The following GPN3 variants were observed in gnomAD, a reference collection of about 807,000 sequenced individuals.
The protein encoded by GPN3 is GPN-loop GTPase 3, also known as ATP-binding domain 1 family member C.
GPN3 carries 31 observed loss-of-function variants against 38.7 expected under a neutral mutation model. The ratio of observed to expected loss-of-function variants is 0.80; its 90% CI spans 0.60 to 1.08. GPN3 has a LOEUF of 1.08. Among genes scored for constraint, GPN3 ranks in the 50% least tolerant of loss-of-function variants. The probability of loss-of-function intolerance (pLI) is 0.00; values close to 1 mark genes in which losing one functional copy is unlikely to be tolerated. For synonymous variants in GPN3, 116 were observed against 120.2 expected, an observed-to-expected ratio of 0.96 and a Z score of 0.23; for missense variants, 301 against 354.4, an observed-to-expected ratio of 0.85 and a Z score of 1.21.
chr12:110,468,182 C>T lies in GPN3; in HGVS notation c.22G>A (p.Val8Ile), dbSNP rs148897377. 7.4e-6 allele frequency: 12 copies of T among 1,611,864 alleles called. No homozygotes were observed. The African/African-American group carries it at 1.5e-4, about 20-fold the overall frequency. The stretch of plus-strand genomic sequence containing the variant: ...TTCCCGCTGCCCGCGGGGCCCATGA[C>T]CAGCTGCGCATACCGAGGCATGTTG... The part of the protein sequence containing the change: MPRYAQL[V>I]MGPAGSGKST... Residue 8 changes from valine to isoleucine, a missense_variant, in exon 1 of 8, where the codon GTC becomes ATC. Val to Ile is a conservative substitution (Grantham distance 29). Transcript: ENST00000228827.
chr12:110,464,860 T>G (rs2062616029), intron 2 of GPN3: 1 of 452,490 alleles, frequency 2.2e-6, no homozygotes. Context: ...CCCAAAGTGC[T>G]GGAATTACAG....
At chr12:110,461,287 T>TA in intron 2 of GPN3, 1 of 1,292,204 alleles carries the variant, frequency 7.7e-7, no homozygotes, top group Middle Eastern at 2.2e-4. Flanking sequence ...ATTCACCAAA[T>TA]AAGCCATATA....
At position 110,462,761 on chromosome 12, in the gene GPN3, A is replaced by AT. The variant is rs780637158; in HGVS notation, c.157+2344dup. Among the ~76,000 whole-genome samples the AT allele has an allele frequency of 3.5e-3, 451 of 129,534 alleles. 2 individuals carry two copies. Among genetic ancestry groups the AT allele is most frequent in the Middle Eastern group, 0.018 (4 of 224 alleles). The allele number at this position is 129,534 out of a possible 152,430, so 85.0% of individuals were successfully genotyped here. On this transcript the variant is annotated intron_variant, in intron 2 of 7. Coordinates refer to ENST00000228827, the MANE Select transcript of GPN3 (RefSeq NM_016301.4). ...TGTCACCACACCCAGCTAATTTTGT[A>AT]TTTTTTTTTTTTTGAGACGGAGTCT...
chr12:110,457,259 C>A (rs1360153744), intron 4 of GPN3, among the ~76,000 whole-genome samples: 2 of 151,346 alleles, frequency 1.3e-5, no homozygotes, highest in African/African-American at 4.9e-5. Context: ...TTGAGACCAG[C>A]CTGGCCAACA....
At chr12:110,457,838 G>A (rs900281905) in intron 3 of GPN3, among the ~76,000 whole-genome samples, 2 of 152,022 alleles carry the variant, frequency 1.3e-5, no homozygotes, top group African/African-American at 4.8e-5. Flanking sequence ...TAGAAAATGA[G>A]GTTCTCTGGT....
At chr12:110,460,941 G>C in intron 2 of GPN3, 1 of 911,980 alleles carries the variant, frequency 1.1e-6, no homozygotes, top group Non-Finnish European at 1.8e-6. Context: ...TCAAGCCCAG[G>C]CGACAGAGCA....
At position 110,458,057 on chromosome 12, in the gene GPN3, A is replaced by G. The variant is rs559794105; in HGVS notation, c.326-423T>C. Among the ~76,000 whole-genome samples the G allele has an allele frequency of 6.6e-6, 1 of 152,264 alleles. No individual in the cohort carries two copies. Among genetic ancestry groups the G allele is most frequent in the South Asian group, 2.1e-4 (1 of 4,820 alleles). On this transcript the variant is annotated intron_variant, in intron 3 of 7. Transcript: ENST00000228827. This position sits in a 1 kb window ranked among gnomAD's most constrained non-coding sequence, Gnocchi z 4.4. ...CTTAAACCCGGGAGGAGGAGGCTGC[A>G]GTGAGCCAAGATCACGCCACTGCAC...
At chr12:110,455,968 G>A (rs2062546998) in intron 4 of GPN3, 38 bp from the exon 5 acceptor site, 2 of 1,021,172 alleles carry the variant, frequency 2.0e-6, no homozygotes, top group South Asian at 2.5e-5. Context: ...TGAACTGACT[G>A]TTGCCAACAG....
rs1259613525 is a variant in GPN3, at chr12:110,457,606, A to C, written c.354T>G (p.Pro118=). 1.5e-5 allele frequency: 24 copies of C among 1,604,932 alleles called. No homozygotes were observed. The highest frequency in any genetic ancestry group is 1.9e-5 in the Non-Finnish European group (22 of 1,173,762). Residue 118 remains proline, a synonymous_variant, in exon 4 of 8, where the codon CCT becomes CCG. Coordinates refer to ENST00000228827, the MANE Select transcript of GPN3 (RefSeq NM_016301.4). The part of the protein sequence containing the change: ...PGQIELYTHL[P]VMKQLVQQLE... ...GCTGCTGGACCAGCTGTTTCATCAC[A>C]GGCAGGTGAGTGTACAACTCAATCT...
Position 110,467,906 on chromosome 12 carries a change from GGTT to G in GPN3, c.48+247_48+249del, listed in dbSNP as rs1000350321. ...GAGAAAAATGAGATCTCTCTCACAGGGTTGTTGTAGAAATAAGCGAGGCGTTTC... is the reference window on the plus strand; with the variant it reads ...GAGAAAAATGAGATCTCTCTCACAGGGTTGTAGAAATAAGCGAGGCGTTTC... On this transcript the variant is annotated intron_variant, in intron 1 of 7. Transcript: ENST00000228827. Among the ~76,000 whole-genome samples, 8 of 152,196 alleles carry G rather than the reference GGTT, an allele frequency of 5.3e-5. No individual in the cohort carries two copies. The South Asian group carries it at 6.2e-4, about 12-fold the overall frequency.
At chr12:110,463,349 G>A (rs955779033) in intron 2 of GPN3, among the ~76,000 whole-genome samples, 6 of 151,900 alleles carry the variant, frequency 3.9e-5, no homozygotes, top group African/African-American at 1.2e-4. Flanking sequence ...CCAGCTACTT[G>A]GGAGGTAGGA....
At chr12:110,468,425 G>T (rs536063572), upstream of GPN3, 1 of 1,534,656 alleles carries the variant, frequency 6.5e-7, no homozygotes, top group Non-Finnish European at 8.7e-7. Flanking sequence ...GTGCGCAAAA[G>T]TAGTTGATGG....
chr12:110,459,936 A>T, intron 2 of GPN3, 74 bp from the exon 3 acceptor site: 1 of 1,225,490 alleles, frequency 8.2e-7, no homozygotes, highest in Non-Finnish European at 1.2e-6. Context: ...AATAGAACAT[A>T]AAAGTTAATA....
chr12:110,457,921 A>C (rs2062561737), intron 3 of GPN3, among the ~76,000 whole-genome samples: 1 of 151,848 alleles, frequency 6.6e-6, no homozygotes, highest in Admixed American at 6.6e-5. Context: ...TGAGGCCAGG[A>C]GTTCAAGACC....
chr12:110,457,812 A>C (rs948010534), intron 3 of GPN3, among the ~76,000 whole-genome samples, 178 bp from the exon 4 acceptor site: 12 of 152,110 alleles, frequency 7.9e-5, no homozygotes, highest in African/African-American at 2.9e-4. Flanking sequence ...GGAATCCCTA[A>C]CTATTAAGTT....
intron 5 of GPN3, 61 bp from the exon 6 acceptor site, chr12:110,455,743 C>T (rs2062545182): frequency 2.9e-6 from 3 of 1,038,574 alleles, no homozygotes; most frequent in Non-Finnish European, 4.6e-6. Context: ...AGCCAAACTT[C>T]CCATCTAAAT....
At chr12:110,460,362 C>G (rs1052169786) in intron 2 of GPN3, among the ~76,000 whole-genome samples, 1 of 152,166 alleles carries the variant, frequency 6.6e-6, no homozygotes, top group Non-Finnish European at 1.5e-5. Context: ...CTCTTTAGTA[C>G]TTTTACATTA....
upstream of GPN3, chr12:110,468,699 G>C (rs910878947): frequency 6.6e-7 from 1 of 1,521,142 alleles, no homozygotes; most frequent in Non-Finnish European, 8.8e-7. Context: ...AACGCTCAGC[G>C]ACCGCAGCGC....
chr12:110,462,657 G>A (rs187768743), intron 2 of GPN3, among the ~76,000 whole-genome samples: 217 of 152,132 alleles, frequency 1.4e-3, no homozygotes, highest in African/African-American at 5.0e-3. Context: ...GTACGATCTC[G>A]GCTCACCAGA....
Sources: gnomAD v4.1 joint callset for allele counts (sites outside exome capture counted in the v4.1 genomes callset) on GRCh38, gnomAD v4.1.1 for gene constraint, Gnocchi (gnomAD v3.1) non-coding constraint, MANE v1.5 for transcripts, NCBI Gene and HGNC (gene_info 2026-07-23, HGNC 2026-07-21) for gene names.